The following ADAMTSL1 variants were observed in gnomAD, a reference collection of about 807,000 sequenced individuals.
ADAMTSL1 encodes ADAMTS-like protein 1.
ADAMTSL1 carries 126 observed loss-of-function variants against 201.8 expected under a neutral mutation model. That is an observed-to-expected ratio of 0.62 (90% confidence interval 0.54 to 0.72). The LOEUF is 0.72. Among genes scored for constraint, ADAMTSL1 ranks in the 30% least tolerant of loss-of-function variants. ADAMTSL1 has a pLI of 0.00. For synonymous variants in ADAMTSL1, 1,121 were observed against 903.4 expected (o/e 1.24, Z -4.32); for missense variants, 2,679 against 2,277.8 (o/e 1.18, Z -3.59).
intron 15 of ADAMTSL1, among the ~76,000 whole-genome samples, chr9:18,750,427 G>C (rs1225092492): frequency 6.6e-6 from 1 of 152,182 alleles, no homozygotes; most frequent in Non-Finnish European, 1.5e-5. Flanking sequence ...ATGTTTGTGA[G>C]ATTCATTTAT....
intron 1 of ADAMTSL1, among the ~76,000 whole-genome samples, chr9:17,928,620 A>G (rs1826651537): frequency 6.6e-6 from 1 of 152,036 alleles, no homozygotes; most frequent in African/African-American, 2.4e-5. Context: ...AAAAGAAATT[A>G]TGTGTTCTGT....
chr9:18,407,742 A>G (rs909423278), intron 2 of ADAMTSL1, among the ~76,000 whole-genome samples: 1 of 152,210 alleles, frequency 6.6e-6, no homozygotes, highest in Non-Finnish European at 1.5e-5. Context: ...AGGTGTGTAT[A>G]GGAAGTCAAA....
rs144219501 is a variant in ADAMTSL1 at position 17,978,203 on chromosome 9, G to A, written c.87+71281G>A. On this transcript the variant is annotated intron_variant, in intron 1 of 29. Coordinates refer to the ADAMTSL1 transcript ENST00000680146. ...CCATGTGTGTCCTTAAAGCCGAAGT[G>A]AGTCTGTTTTGTAGGAGGCATATAG... Among the ~76,000 whole-genome samples, 13 of 152,134 alleles carry A rather than the reference G, an allele frequency of 8.5e-5. No homozygotes were observed. In the East Asian group the frequency reaches 2.5e-3, roughly 29 times the overall value.
At chr9:18,748,038 G>T (rs1022421607) in intron 15 of ADAMTSL1, among the ~76,000 whole-genome samples, 2 of 152,224 alleles carry the variant, frequency 1.3e-5, no homozygotes, top group African/African-American at 2.4e-5. Flanking sequence ...GAAGTCAGTT[G>T]TTCAGGTACT....
At chr9:18,574,395 T>C (rs748374113) in intron 4 of ADAMTSL1, 129 bp downstream of exon 4, 2 of 902,526 alleles carry the variant, frequency 2.2e-6, no homozygotes, top group East Asian at 4.8e-5. Context: ...TGGTGAAAGA[T>C]TTGAAAATTA....
intron 15 of ADAMTSL1, among the ~76,000 whole-genome samples, chr9:18,744,411 T>C (rs970597732): frequency 1.3e-5 from 2 of 152,232 alleles, no homozygotes; most frequent in Admixed American, 6.5e-5. Flanking sequence ...CAAATGTCCT[T>C]CTCCTCAGTC....
At chr9:18,183,380 C>G (rs996875666) in intron 2 of ADAMTSL1, among the ~76,000 whole-genome samples, 1 of 152,124 alleles carries the variant, frequency 6.6e-6, no homozygotes, top group African/African-American at 2.4e-5. Flanking sequence ...ATAATCAAGA[C>G]TTCACTATAA....
At chr9:18,716,515 A>C (rs888088978) in intron 14 of ADAMTSL1, among the ~76,000 whole-genome samples, 18 of 151,826 alleles carry the variant, frequency 1.2e-4, no homozygotes, top group African/African-American at 4.3e-4. Flanking sequence ...CATCAGAGAA[A>C]TGCAAATCAA....
chr9:18,338,382 G>A (rs1056596673), intron 2 of ADAMTSL1, among the ~76,000 whole-genome samples: 1 of 151,934 alleles, frequency 6.6e-6, no homozygotes, highest in Non-Finnish European at 1.5e-5. Context: ...TTCCATTCAG[G>A]TTCCTACCCT....
chr9:18,710,434 C>T (rs937726158), intron 14 of ADAMTSL1, among the ~76,000 whole-genome samples: 3 of 152,172 alleles, frequency 2.0e-5, no homozygotes, highest in Non-Finnish European at 4.4e-5. Context: ...CTGGGGAGGC[C>T]TAGAGCCTTG....
intron 1 of ADAMTSL1, among the ~76,000 whole-genome samples, chr9:18,064,828 T>C (rs1037468435): frequency 2.6e-5 from 4 of 151,846 alleles, no homozygotes; most frequent in Admixed American, 6.6e-5. Context: ...CATATGCTAA[T>C]ATTTTCTGGA....
intron 2 of ADAMTSL1, among the ~76,000 whole-genome samples, chr9:18,169,832 T>C (rs1330088552): frequency 2.0e-5 from 3 of 151,930 alleles, no homozygotes; most frequent in Non-Finnish European, 4.4e-5. Context: ...CTTAACTAGT[T>C]TTATGCAAAG....
chr9:18,001,747 G>A (rs1045333222), intron 1 of ADAMTSL1, among the ~76,000 whole-genome samples: 2 of 152,014 alleles, frequency 1.3e-5, no homozygotes, highest in Admixed American at 6.6e-5. Flanking sequence ...AGCAGAGGTT[G>A]GGGGTGGAGA....
chr9:18,207,688 C>T (rs1384866971), intron 2 of ADAMTSL1, among the ~76,000 whole-genome samples: 5 of 152,214 alleles, frequency 3.3e-5, no homozygotes, highest in East Asian at 3.9e-4. Context: ...TGTTAACTTT[C>T]GACGTGGCCT....
intron 4 of ADAMTSL1, among the ~76,000 whole-genome samples, chr9:18,579,350 A>T (rs1209174643): frequency 1.4e-5 from 1 of 73,660 alleles, no homozygotes; most frequent in Non-Finnish European, 2.5e-5. Context: ...TGTGGTGGGG[A>T]GGGGGGAGGG....
At chr9:18,549,812 C>G (rs1244317303) in intron 3 of ADAMTSL1, among the ~76,000 whole-genome samples, 2 of 151,952 alleles carry the variant, frequency 1.3e-5, no homozygotes, top group Non-Finnish European at 2.9e-5. Flanking sequence ...GCCCTAAAAC[C>G]TAAAATCTTG....
chr9:18,646,601 G>T (rs61210695), intron 7 of ADAMTSL1, among the ~76,000 whole-genome samples: 1,934 of 145,766 alleles, frequency 0.013, 53 homozygotes, highest in African/African-American at 0.047. Context: ...TAGCATGAAG[G>T]GTTGTTGAAT....
intron 2 of ADAMTSL1, among the ~76,000 whole-genome samples, chr9:18,512,121 A>G (rs1048792983): frequency 6.6e-5 from 10 of 152,174 alleles, no homozygotes; most frequent in African/African-American, 9.7e-5. Flanking sequence ...GAGATTGCAT[A>G]TTTTGGAACA....
At chr9:18,042,872 G>C (rs890264353) in intron 1 of ADAMTSL1, among the ~76,000 whole-genome samples, 3 of 152,100 alleles carry the variant, frequency 2.0e-5, no homozygotes, top group Non-Finnish European at 2.9e-5. Context: ...TCCCAAGTTT[G>C]TAATTGTCAA....
Sources: gnomAD v4.1 joint callset for allele counts (sites outside exome capture counted in the v4.1 genomes callset) on GRCh38, gnomAD v4.1.1 for gene constraint, MANE v1.5 for transcripts, NCBI Gene and HGNC (gene_info 2026-07-23, HGNC 2026-07-21) for gene names.